MAD1L1: variants seen among roughly 807,000 people sequenced by gnomAD.
The protein encoded by MAD1L1 is mitotic arrest deficient 1 like 1, also known as mitotic spindle assembly checkpoint protein MAD1.
In MAD1L1, 95 loss-of-function variants were observed where a neutral mutation model predicts 96.9. That is an observed-to-expected ratio of 0.98 (90% CI 0.83 to 1.16). MAD1L1 has a LOEUF of 1.16. MAD1L1 is among the 50% of genes most tolerant of loss of function. MAD1L1 has a pLI of 0.00. For synonymous variants in MAD1L1, 473 were observed against 396.6 expected (o/e 1.19, Z -2.29); for missense variants, 1,007 against 954.4 (o/e 1.06, Z -0.73).
chr7:1,947,072 T>C (rs748520142), intron 16 of MAD1L1, among the ~76,000 whole-genome samples: 19 of 152,314 alleles, frequency 1.2e-4, no homozygotes, highest in Admixed American at 6.5e-4. Context: ...AGGGTGAGTG[T>C]GGTGAGTTTC....
intron 11 of MAD1L1, among the ~76,000 whole-genome samples, chr7:2,111,166 A>C (rs1584347112): frequency 6.6e-6 from 1 of 152,156 alleles, no homozygotes; most frequent in Admixed American, 6.5e-5. Flanking sequence ...GAGCACACAC[A>C]CCGAGCGTCC....
intron 14 of MAD1L1, among the ~76,000 whole-genome samples, chr7:2,000,555 G>A (rs1293966347): frequency 6.6e-6 from 1 of 152,132 alleles, no homozygotes; most frequent in Non-Finnish European, 1.5e-5. Context: ...ACCAACAGTC[G>A]GGTCCCCCAG....
intron 9 of MAD1L1, among the ~76,000 whole-genome samples, chr7:2,214,369 C>T (rs975486504): frequency 1.9e-4 from 29 of 152,356 alleles, no homozygotes; most frequent in South Asian, 1.0e-3. Context: ...AGAAGAGTCC[C>T]TGCCAGATAC....
At chr7:1,947,689 C>T (rs1185971778) in intron 16 of MAD1L1, among the ~76,000 whole-genome samples, 3 of 152,350 alleles carry the variant, frequency 2.0e-5, no homozygotes, top group South Asian at 4.1e-4. Context: ...CATCTCCTGC[C>T]CGTGGCCTTG....
chr7:2,211,509 T>C (rs1405554417), intron 10 of MAD1L1, among the ~76,000 whole-genome samples: 1 of 152,104 alleles, frequency 6.6e-6, no homozygotes, highest in Non-Finnish European at 1.5e-5. Context: ...ATCAGGCACG[T>C]GGGGGCCTCT....
At chr7:2,141,587 A>G (rs1253051522) in intron 11 of MAD1L1, among the ~76,000 whole-genome samples, 1 of 152,174 alleles carries the variant, frequency 6.6e-6, no homozygotes, top group Non-Finnish European at 1.5e-5. Flanking sequence ...AGGCCCCAAG[A>G]CAGACGCCCG....
At chr7:2,193,593 G>A (rs1322731833) in intron 10 of MAD1L1, 1 of 152,282 alleles carries the variant, frequency 6.6e-6, no homozygotes, top group Non-Finnish European at 1.5e-5. Flanking sequence ...AAAAAGGCGA[G>A]ACAGAAATGA....
At position 2,142,757 on chromosome 7, in the gene MAD1L1, G is replaced by A. The variant is rs907107179; in HGVS notation, c.1073+6395C>T. ...GGCCTCTGGCCATGTCAAACCCCAGGGGCCCCCTTATGCCGAGAGCAGGTG... is the reference window on the plus strand; with the variant it reads ...GGCCTCTGGCCATGTCAAACCCCAGAGGCCCCCTTATGCCGAGAGCAGGTG... On this transcript the variant is annotated intron_variant, in intron 11 of 18. Coordinates refer to ENST00000265854, the MANE Select transcript of MAD1L1 (RefSeq NM_001013836.2). This position sits in a 1 kb window ranked among gnomAD's most constrained non-coding sequence, Gnocchi z 4.7. Among the ~76,000 whole-genome samples the A allele has an allele frequency of 6.6e-6, 1 of 152,250 alleles. No homozygotes were observed. Among genetic ancestry groups the A allele is most frequent in the African/African-American group, 2.4e-5 (1 of 41,480 alleles).
intron 17 of MAD1L1, among the ~76,000 whole-genome samples, chr7:1,922,135 A>G (rs73050125): frequency 0.052 from 7,881 of 152,346 alleles, 297 homozygotes; most frequent in Admixed American, 0.1. Context: ...CACAGGCTGC[A>G]GGCGGGCTGA....
At position 2,119,986 on chromosome 7, in the gene MAD1L1, C is replaced by T. The variant is rs552678902; in HGVS notation, c.1073+29166G>A. On this transcript the variant is annotated intron_variant, in intron 11 of 18. Coordinates refer to ENST00000265854, the MANE Select transcript of MAD1L1 (RefSeq NM_001013836.2). This position sits in a 1 kb window ranked among gnomAD's most constrained non-coding sequence, Gnocchi z 4.6. ...TGCGCCCAAGGCATCCCTAGCAATG[C>T]CCCAGGTGGAGGAGCCCCAGTTCAT... Among the ~76,000 whole-genome samples, 43 of 152,348 alleles carry T rather than the reference C, an allele frequency of 2.8e-4. No individual in the cohort carries two copies. Among genetic ancestry groups the T allele is most frequent in the African/African-American group, 9.6e-4 (40 of 41,582 alleles).
chr7:2,116,495 G>C (rs547763287), intron 11 of MAD1L1, among the ~76,000 whole-genome samples: 1 of 150,588 alleles, frequency 6.6e-6, no homozygotes, highest in Non-Finnish European at 1.5e-5. Flanking sequence ...GGAAACCGAG[G>C]TGTCCCCAGC....
intron 12 of MAD1L1, among the ~76,000 whole-genome samples, chr7:2,064,889 G>A (rs1784814677): frequency 6.6e-6 from 1 of 152,006 alleles, no homozygotes; most frequent in Non-Finnish European, 1.5e-5. Context: ...TCTCCAGGGA[G>A]GACGGTGGCT....
chr7:2,143,945 C>T (rs1005854248), intron 11 of MAD1L1, among the ~76,000 whole-genome samples: 3 of 152,188 alleles, frequency 2.0e-5, no homozygotes, highest in East Asian at 1.9e-4. Flanking sequence ...AAGTCAGCAT[C>T]GAGGAGGATG....
intron 13 of MAD1L1, 113 bp downstream of exon 13, chr7:2,014,389 G>A (rs374270533): frequency 2.4e-5 from 33 of 1,355,578 alleles, no homozygotes; most frequent in South Asian, 4.6e-5. Flanking sequence ...CCTGCCAGCC[G>A]GGAACTGGGG....
intron 16 of MAD1L1, among the ~76,000 whole-genome samples, chr7:1,939,334 C>CA (rs1007777346): frequency 1.3e-5 from 2 of 151,782 alleles, no homozygotes; most frequent in African/African-American, 4.8e-5. Flanking sequence ...CATACACACA[C>CA]ACACAGGCCA....
chr7:1,984,243 C>T (rs1397706347), intron 14 of MAD1L1, among the ~76,000 whole-genome samples: 3 of 151,804 alleles, frequency 2.0e-5, no homozygotes, highest in African/African-American at 7.3e-5. Flanking sequence ...GCTTTTTTTT[C>T]CCTGATTTTG....
At chr7:1,985,916 A>G (rs985785951) in intron 14 of MAD1L1, among the ~76,000 whole-genome samples, 7 of 152,064 alleles carry the variant, frequency 4.6e-5, no homozygotes, top group Admixed American at 6.5e-5. Flanking sequence ...CGCCTCGTTA[A>G]CTTTTGTTTC....
At chr7:1,891,032 C>T (rs891158530) in intron 18 of MAD1L1, among the ~76,000 whole-genome samples, 8 of 152,220 alleles carry the variant, frequency 5.3e-5, no homozygotes, top group African/African-American at 1.9e-4. Context: ...TCTGCGCCAC[C>T]TCCCCTTCCC....
chr7:1,826,066 T>G (rs1782376668), intron 18 of MAD1L1, among the ~76,000 whole-genome samples: 1 of 144,620 alleles, frequency 6.9e-6, no homozygotes, highest in Non-Finnish European at 1.6e-5. Flanking sequence ...GTGCTGAGCC[T>G]GCCGGGTACA....
Sources: allele counts gnomAD v4.1 joint callset (sites outside exome capture counted in the v4.1 genomes callset), GRCh38; gene constraint gnomAD v4.1.1; non-coding constraint Gnocchi (gnomAD v3.1); transcripts MANE v1.5; gene names NCBI Gene and HGNC (gene_info 2026-07-23, HGNC 2026-07-21).